SBK1: variants seen among roughly 807,000 people sequenced by gnomAD.
SBK1 encodes SH3 domain binding kinase 1, also known as serine/threonine-protein kinase SBK1.
In SBK1, 11 loss-of-function variants were observed where a neutral mutation model predicts 24.4. That is an observed-to-expected ratio of 0.45 (90% CI 0.28 to 0.75). SBK1 has a LOEUF of 0.75. Ranked by LOEUF, SBK1 falls within the 30% of genes least tolerant of loss-of-function variation. The pLI, the probability that SBK1 is intolerant of heterozygous loss-of-function variation, is 0.12. For missense variants in SBK1, 467 were observed against 620.5 expected (o/e 0.75, Z 2.63); for synonymous variants, 308 against 284.4 (o/e 1.08, Z -0.83).
intron 1 of SBK1, among the ~76,000 whole-genome samples, chr16:28,305,158 A>G (rs912193905): frequency 4.0e-5 from 6 of 151,872 alleles, no homozygotes; most frequent in African/African-American, 1.5e-4. Context: ...CACTCTCTGC[A>G]CCTCCATATG....
rs992189439 is a variant in SBK1 at position 28,274,461 on chromosome 16, C to A, written c.257+14959C>A. Reference sequence around the variant, plus strand: ...GGTCTGGAGTCCAAGACCAGCCTGGCCAACATGGTGAAACCCCGTCTCTAC... The same window carrying A: ...GGTCTGGAGTCCAAGACCAGCCTGGACAACATGGTGAAACCCCGTCTCTAC... On this transcript the variant is annotated intron_variant, in intron 1 of 3. Transcript: ENST00000671413. 2.6e-5 allele frequency among the ~76,000 whole-genome samples: 4 copies of A among 152,110 alleles called. No homozygotes were observed. The East Asian group carries it at 7.7e-4, about 29-fold the overall frequency.
At position 28,320,777 on chromosome 16, in the gene SBK1, G is replaced by A. The variant is rs1364604748; in HGVS notation, c.1131G>A (p.Val377=). 1.4e-6 allele frequency: 2 copies of A among 1,403,964 alleles called. No individual in the cohort carries two copies. The highest frequency in any genetic ancestry group is 1.9e-6 in the Non-Finnish European group (2 of 1,074,588). The allele number at this position is 1,403,964 out of a possible 1,614,324, so 87.0% of individuals were successfully genotyped here. The change falls in exon 4 of 4, where the codon GTG becomes GTA. Residue 377 remains valine, a synonymous_variant. Coordinates refer to ENST00000341901, the MANE Select transcript of SBK1 (RefSeq NM_001024401.3). The surrounding 1 kb of genome is among the most constrained non-coding windows in gnomAD (Gnocchi z 8.5). The part of the protein sequence containing the change: ...PPAVGSVPLP[V]PVPVPVPVPV... ...CCGTCGGGTCGGTGCCCTTGCCCGT[G>A]CCGGTGCCGGTGCCAGTGCCCGTGC... is the stretch of plus-strand genomic sequence containing the variant.
intron 1 of SBK1, among the ~76,000 whole-genome samples, chr16:28,310,324 C>G (rs996359959): frequency 1.3e-5 from 2 of 152,250 alleles, no homozygotes; most frequent in African/African-American, 2.4e-5. Context: ...ATCACATCCA[C>G]AGCTGCTCCT....
chr16:28,268,803 T>C (rs1453996742), intron 1 of SBK1, among the ~76,000 whole-genome samples: 1 of 151,938 alleles, frequency 6.6e-6, no homozygotes, highest in Non-Finnish European at 1.5e-5. Flanking sequence ...AGGCAGCCAC[T>C]TTGGTGTTGA....
rs765348655 is a variant in SBK1, at chr16:28,302,670, C to T, written c.-8+9370C>T. ...TCCCCAGACCCAACTGGATTGTACC[C>T]GGTAGGAATTTTCATGCCTACGCTA... On this transcript the variant is annotated intron_variant, in intron 1 of 3. Transcript: ENST00000341901. Among the ~76,000 whole-genome samples, 129 of 152,214 alleles carry T rather than the reference C, an allele frequency of 8.5e-4. 7 individuals carry two copies. The highest frequency in any genetic ancestry group is 2.9e-5 in the Non-Finnish European group (2 of 68,034).
chr16:28,273,379 C>T (rs536783650), intron 1 of SBK1, among the ~76,000 whole-genome samples: 7 of 152,004 alleles, frequency 4.6e-5, no homozygotes, highest in South Asian at 4.2e-4. Flanking sequence ...AGCCCCCATG[C>T]CCAGCTAATT....
At chr16:28,303,867 A>G (rs988141589) in intron 1 of SBK1, among the ~76,000 whole-genome samples, 1 of 152,096 alleles carries the variant, frequency 6.6e-6, no homozygotes, top group African/African-American at 2.4e-5. Context: ...CTGTCTGGCC[A>G]TGTCCCAAAG....
At chr16:28,287,048 T>C (rs991027745) in intron 1 of SBK1, 1 of 151,630 alleles carries the variant, frequency 6.6e-6, no homozygotes, top group Non-Finnish European at 1.5e-5. Context: ...TGAGCCGAGA[T>C]CGCATCATTG....
chr16:28,319,228 A>G lies in SBK1; in HGVS notation c.429+31A>G. 1.9e-6 allele frequency: 3 copies of G among 1,540,254 alleles called. No homozygotes were observed. The highest frequency in any genetic ancestry group is 2.7e-6 in the Non-Finnish European group (3 of 1,113,282). On this transcript the variant is annotated intron_variant, in intron 3 of 3. Coordinates refer to ENST00000341901, the MANE Select transcript of SBK1 (RefSeq NM_001024401.3). This position sits in a 1 kb window ranked among gnomAD's most constrained non-coding sequence, Gnocchi z 4.0. ...CGGGATGGTGGCATAGGGTGGGGAAAGGGTCTTCAGGGTCCCAGAGTGTGA... is the reference window on the plus strand; with the variant it reads ...CGGGATGGTGGCATAGGGTGGGGAAGGGGTCTTCAGGGTCCCAGAGTGTGA...
chr16:28,277,948 G>A (rs2044504758), intron 1 of SBK1, among the ~76,000 whole-genome samples: 1 of 152,274 alleles, frequency 6.6e-6, no homozygotes, highest in Non-Finnish European at 1.5e-5. Context: ...TTTAGCCACA[G>A]AACCCTGGGC....
chr16:28,304,119 C>T (rs2044699000), intron 1 of SBK1, among the ~76,000 whole-genome samples: 1 of 152,214 alleles, frequency 6.6e-6, no homozygotes, highest in Non-Finnish European at 1.5e-5. Flanking sequence ...TACAAGGCTA[C>T]TCATTGTTTA....
Position 28,321,107 on chromosome 16 carries a change from G to C in SBK1, c.*186G>C. On this transcript the variant is annotated 3_prime_UTR_variant, in exon 4 of 4. Transcript: ENST00000341901. ...GTGAGGGGGCCACCAAAGACCCCTA[G>C]CGCGGCCTGGTGAGCGGGGGCTTGG... 2 of 490,098 alleles carry C rather than the reference G, an allele frequency of 4.1e-6. No homozygotes were observed. Among genetic ancestry groups the C allele is most frequent in the Non-Finnish European group, 6.5e-6 (2 of 305,934 alleles). The allele number at this position is 490,098 out of a possible 1,614,324, so 30.4% of individuals were successfully genotyped here.
At chr16:28,280,530 T>C (rs2044527377) in intron 1 of SBK1, among the ~76,000 whole-genome samples, 1 of 151,194 alleles carries the variant, frequency 6.6e-6, no homozygotes, top group African/African-American at 2.4e-5. Context: ...CTTGAAATGT[T>C]CAAAGAGGGT....
rs768981189 is a variant in SBK1 at position 28,323,786 on chromosome 16, T to C, written c.*2865T>C. 2.6e-5 allele frequency: 4 copies of C among 152,584 alleles called. No individual in the cohort carries two copies. Among genetic ancestry groups the C allele is most frequent in the Non-Finnish European group, 5.9e-5 (4 of 68,036 alleles). 9.5% of individuals were successfully genotyped at this position (152,584 alleles called of 1,614,324 possible). ...CTTTGGCCCTGAGAAGGTTTTTAAATGTGTTATTTACTTCTCTAAACATGA... is the reference window on the plus strand; with the variant it reads ...CTTTGGCCCTGAGAAGGTTTTTAAACGTGTTATTTACTTCTCTAAACATGA... On this transcript the variant is annotated 3_prime_UTR_variant, in exon 4 of 4. Coordinates refer to ENST00000341901, the MANE Select transcript of SBK1 (RefSeq NM_001024401.3).
At chr16:28,279,968 C>T (rs1328178311) in intron 1 of SBK1, among the ~76,000 whole-genome samples, 1 of 151,296 alleles carries the variant, frequency 6.6e-6, no homozygotes, top group Non-Finnish European at 1.5e-5. Context: ...GAGTCAGGGG[C>T]TCAATTGCTA....
At chr16:28,293,747 G>C (rs914843009) in intron 1 of SBK1, among the ~76,000 whole-genome samples, 3 of 152,198 alleles carry the variant, frequency 2.0e-5, no homozygotes, top group Admixed American at 2.0e-4. Flanking sequence ...ATGTGGCCCT[G>C]GGTGATGGCT....
At chr16:28,318,442 CATT>C (rs1478671857) in intron 2 of SBK1, among the ~76,000 whole-genome samples, 1 of 152,218 alleles carries the variant, frequency 6.6e-6, no homozygotes, top group Non-Finnish European at 1.5e-5. Context: ...AATAGGGTAA[CATT>C]AGTGCACAAC....
At chr16:28,299,523 C>T (rs1046121688) in intron 1 of SBK1, among the ~76,000 whole-genome samples, 4 of 152,192 alleles carry the variant, frequency 2.6e-5, no homozygotes, top group Non-Finnish European at 2.9e-5. Context: ...GGCTAGATTT[C>T]CTGCCCCACG....
intron 1 of SBK1, among the ~76,000 whole-genome samples, chr16:28,314,403 C>T (rs1268864311): frequency 6.7e-6 from 1 of 149,380 alleles, no homozygotes; most frequent in Non-Finnish European, 1.5e-5. Context: ...GCAATCCTCT[C>T]ACCTTGGCCT....
Sources: gnomAD v4.1 joint callset for allele counts (sites outside exome capture counted in the v4.1 genomes callset) on GRCh38, gnomAD v4.1.1 for gene constraint, Gnocchi (gnomAD v3.1) non-coding constraint, MANE v1.5 for transcripts, NCBI Gene and HGNC (gene_info 2026-07-23, HGNC 2026-07-21) for gene names.